GNAS-AS1: variants seen among roughly 807,000 people sequenced by gnomAD.
The protein encoded by GNAS-AS1 is GNAS antisense RNA 1.
At chr20:58,845,631 G>C (rs778719385) in intron 2 of GNAS-AS1, among the ~76,000 whole-genome samples, 3 of 152,188 alleles carry the variant, frequency 2.0e-5, no homozygotes, top group African/African-American at 7.2e-5. Flanking sequence ...GGCCATATGT[G>C]GGGGGTGGGG....
chr20:58,840,753 G>A lies in GNAS-AS1; in HGVS notation n.819+1184C>T, dbSNP rs142690161. ...AAGGAGCCCAAGGAGGAGAAGCAGC[G>A]GCGTCGCTGCAAGCCAAAGAAGCCC... On this transcript the variant is annotated intron_variant and non_coding_transcript_variant, in intron 4 of 4. Transcript: ENST00000424094. This position sits in a 1 kb window ranked among gnomAD's most constrained non-coding sequence, Gnocchi z 6.0. The A allele has an allele frequency of 1.9e-6, 3 of 1,606,400 alleles. No homozygotes were observed. Among genetic ancestry groups the A allele is most frequent in the South Asian group, 2.2e-5 (2 of 90,974 alleles).
chr20:58,845,976 A>G (rs956277538), intron 2 of GNAS-AS1, among the ~76,000 whole-genome samples: 1 of 152,190 alleles, frequency 6.6e-6, no homozygotes, highest in Non-Finnish European at 1.5e-5. Flanking sequence ...TAAGTATGTT[A>G]CAAATTAGCA....
intron 1 of GNAS-AS1, among the ~76,000 whole-genome samples, chr20:58,850,033 A>AGCCAG (rs1047131530): frequency 6.6e-6 from 1 of 152,058 alleles, no homozygotes; most frequent in Non-Finnish European, 1.5e-5. Context: ...GCTCCCCAAG[A>AGCCAG]GCCAGCCAAG....
chr20:58,827,969 T>G (rs1461228079), intron 4 of GNAS-AS1, among the ~76,000 whole-genome samples: 1 of 146,464 alleles, frequency 6.8e-6, no homozygotes, highest in Non-Finnish European at 1.5e-5. Flanking sequence ...AAGTCATGGC[T>G]GGGAGAAGCT....
At chr20:58,830,458 C>CCATCACCACCATCACCACCAT (rs1568900355) in intron 4 of GNAS-AS1, among the ~76,000 whole-genome samples, 10 of 62,866 alleles carry the variant, frequency 1.6e-4, no homozygotes, top group African/African-American at 5.9e-4. Context: ...ACCACCATCA[C>CCATCACCACCATCACCACCAT]CACCACCACA....
chr20:58,829,554 C>T (rs2085541043), intron 4 of GNAS-AS1, among the ~76,000 whole-genome samples: 1 of 152,214 alleles, frequency 6.6e-6, no homozygotes, highest in Non-Finnish European at 1.5e-5. Context: ...TGTGAGTTTC[C>T]CTAACAGGCT....
intron 4 of GNAS-AS1, chr20:58,834,731 G>A (rs1479183379): frequency 2.0e-5 from 3 of 152,222 alleles, no homozygotes; most frequent in African/African-American, 4.8e-5. Context: ...AACAGAGCAC[G>A]AAGTGAAGAG....
intron 4 of GNAS-AS1, among the ~76,000 whole-genome samples, chr20:58,835,916 C>G (rs1395215273): frequency 2.1e-5 from 3 of 143,268 alleles, no homozygotes; most frequent in Non-Finnish European, 4.6e-5. Context: ...GAGCAAAGAG[C>G]CTCCACGCCC....
At chr20:58,838,279 G>A (rs1359234838) in intron 4 of GNAS-AS1, among the ~76,000 whole-genome samples, 1 of 152,124 alleles carries the variant, frequency 6.6e-6, no homozygotes, top group African/African-American at 2.4e-5. Context: ...ATCTCCTCCT[G>A]TAGGCCATCA....
chr20:58,819,997 C>T (rs1366814384), intron 4 of GNAS-AS1, among the ~76,000 whole-genome samples: 1 of 152,254 alleles, frequency 6.6e-6, no homozygotes, highest in Non-Finnish European at 1.5e-5. Flanking sequence ...CTCATCCGTA[C>T]TGCCTCTGCG....
chr20:58,850,388 T>G, intron 1 of GNAS-AS1: 8 of 396,430 alleles, frequency 2.0e-5, no homozygotes, highest in East Asian at 7.2e-5. Flanking sequence ...CACAGACCCA[T>G]GAGGGTGTCG....
In GNAS-AS1 at chr20:58,840,054, C is replaced by T; in HGVS notation, n.819+1883G>A. 6.3e-7 allele frequency: 1 copy of T among 1,591,906 alleles called. No homozygotes were observed. Among genetic ancestry groups the T allele is most frequent in the South Asian group, 1.1e-5 (1 of 90,738 alleles). On this transcript the variant is annotated intron_variant and non_coding_transcript_variant, in intron 4 of 4. Coordinates refer to ENST00000424094, the Ensembl canonical transcript of GNAS-AS1. This position sits in a 1 kb window ranked among gnomAD's most constrained non-coding sequence, Gnocchi z 6.0. ...TCCAGCAGCCAATGTGCTTCGGAGCCACTCTCTGCAGAGCCAGAGGGCAGG... is the reference window on the plus strand; with the variant it reads ...TCCAGCAGCCAATGTGCTTCGGAGCTACTCTCTGCAGAGCCAGAGGGCAGG...
At chr20:58,843,650 GGGA>G (rs1008112560) in intron 2 of GNAS-AS1, among the ~76,000 whole-genome samples, 3 of 152,234 alleles carry the variant, frequency 2.0e-5, no homozygotes, top group African/African-American at 7.2e-5. Flanking sequence ...TGGAGGGTGA[GGGA>G]GGAGGAGGAG....
intron 1 of GNAS-AS1, among the ~76,000 whole-genome samples, chr20:58,850,371 G>A (rs956620179): frequency 1.3e-5 from 2 of 152,196 alleles, no homozygotes; most frequent in Admixed American, 6.5e-5. Flanking sequence ...AATGAACAAA[G>A]GGGTCCCACA....
intron 2 of GNAS-AS1, among the ~76,000 whole-genome samples, chr20:58,845,357 A>C (rs1352147226): frequency 6.6e-6 from 1 of 152,138 alleles, no homozygotes. Flanking sequence ...GCTTCTTCAG[A>C]CATATGCTTC....
At chr20:58,846,232 A>T (rs2085935253) in intron 2 of GNAS-AS1, among the ~76,000 whole-genome samples, 1 of 152,190 alleles carries the variant, frequency 6.6e-6, no homozygotes, top group South Asian at 2.1e-4. Flanking sequence ...AAGTCGTTTG[A>T]AGGAATAAAG....
intron 4 of GNAS-AS1, among the ~76,000 whole-genome samples, chr20:58,830,487 CCACCAT>C (rs2085556189): frequency 8.0e-6 from 1 of 125,252 alleles, no homozygotes; most frequent in Non-Finnish European, 1.7e-5. Context: ...ATCACCATCA[CCACCAT>C]CACCACCACA....
rs1375964622 is a variant in GNAS-AS1, at chr20:58,837,890, C to T, written n.819+4047G>A. ...AACTCTGCACTTAGTGGTTTTAATA[C>T]GGGTGTGGTGTTGAAGGTGTGAGGT... On this transcript the variant is annotated intron_variant and non_coding_transcript_variant, in intron 4 of 4. Transcript: ENST00000424094. Among the ~76,000 whole-genome samples the T allele has an allele frequency of 3.3e-5, 5 of 152,198 alleles. No homozygotes were observed. The East Asian group carries it at 7.7e-4, about 23-fold the overall frequency.
At chr20:58,843,326 G>A (rs2085816075) in intron 2 of GNAS-AS1, 1 of 151,950 alleles carries the variant, frequency 6.6e-6, no homozygotes, top group African/African-American at 2.4e-5. Context: ...CCCGAGGAAA[G>A]CACCTATGGC....
Sources: gnomAD v4.1 joint callset for allele counts (sites outside exome capture counted in the v4.1 genomes callset) on GRCh38, gnomAD v4.1.1 for gene constraint, Gnocchi (gnomAD v3.1) non-coding constraint, MANE v1.5 for transcripts, NCBI Gene and HGNC (gene_info 2026-07-23, HGNC 2026-07-21) for gene names.